MIS18A: variants seen among roughly 807,000 people sequenced by gnomAD.
MIS18A encodes protein Mis18-alpha.
A neutral mutation model predicts 25.0 loss-of-function variants in MIS18A; 14 were observed. The observed-to-expected ratio is 0.56, with a 90% confidence interval of 0.37 to 0.88. The LOEUF (loss-of-function observed/expected upper bound fraction) is 0.88. Ranked by LOEUF, MIS18A falls within the 40% of genes least tolerant of loss-of-function variation. The pLI, the probability that MIS18A is intolerant of heterozygous loss-of-function variation, is 0.00. For missense variants in MIS18A, 292 were observed against 290.8 expected (o/e 1.00, Z -0.03); for synonymous variants, 134 against 118.6 (o/e 1.13, Z -0.84).
intron 1 of MIS18A, among the ~76,000 whole-genome samples, chr21:32,275,379 G>A (rs1232672696): frequency 6.6e-6 from 1 of 152,134 alleles, no homozygotes; most frequent in Non-Finnish European, 1.5e-5. Context: ...AGAATTATCT[G>A]CCAGATAGTG....
At chr21:32,179,399 G>A in the MIS18A span, among the ~76,000 whole-genome samples, 9 of 151,952 alleles carry the variant, frequency 5.9e-5, no homozygotes, top group African/African-American at 2.2e-4. Flanking sequence ...CACTTTGTGT[G>A]GGCCAAGATC....
the MIS18A span, among the ~76,000 whole-genome samples, chr21:32,237,387 C>T: frequency 1.3e-5 from 2 of 152,288 alleles, no homozygotes; most frequent in South Asian, 2.1e-4. Context: ...GTCCCATGTC[C>T]GCCTGCCAGT....
chr21:32,205,500 C>T, the MIS18A span, among the ~76,000 whole-genome samples: 2 of 152,062 alleles, frequency 1.3e-5, no homozygotes, highest in African/African-American at 2.4e-5. Flanking sequence ...TTTCCCCCAC[C>T]CCTACTTAAA....
chr21:32,278,381 G>A, intron 1 of MIS18A: 3 of 408,908 alleles, frequency 7.3e-6, no homozygotes, highest in Non-Finnish European at 1.3e-5. Context: ...CTTTTTTTAG[G>A]GTCTTTAAAA....
chr21:32,244,984 G>T, the MIS18A span, among the ~76,000 whole-genome samples: 1 of 152,122 alleles, frequency 6.6e-6, no homozygotes. Context: ...ATTTAAATTT[G>T]CAGGAAAAAA....
At chr21:32,201,631 A>G in the MIS18A span, among the ~76,000 whole-genome samples, 1 of 151,988 alleles carries the variant, frequency 6.6e-6, no homozygotes, top group African/African-American at 2.4e-5. Flanking sequence ...GACCAGCCTG[A>G]GCAATATAGT....
chr21:32,215,646 G>A, the MIS18A span, among the ~76,000 whole-genome samples: 1 of 152,066 alleles, frequency 6.6e-6, no homozygotes, highest in Non-Finnish European at 1.5e-5. Flanking sequence ...TCTTTTTGTT[G>A]AAACACAAAG....
chr21:32,175,792 A>G, the MIS18A span, among the ~76,000 whole-genome samples: 3 of 151,812 alleles, frequency 2.0e-5, no homozygotes, highest in South Asian at 4.2e-4. Context: ...CCCAGGTGAT[A>G]GTGAGAGACT....
chr21:32,265,524 C>T (rs984596241), downstream of MIS18A, among the ~76,000 whole-genome samples: 6 of 152,350 alleles, frequency 3.9e-5, no homozygotes, highest in South Asian at 2.1e-4. Flanking sequence ...GCCGGCCCAC[C>T]GGCGCTGTGC....
At chr21:32,176,925 G>T in the MIS18A span, among the ~76,000 whole-genome samples, 3 of 152,054 alleles carry the variant, frequency 2.0e-5, no homozygotes, top group African/African-American at 7.2e-5. Flanking sequence ...GTACCAAAGC[G>T]TGATGAAGAC....
the MIS18A span, among the ~76,000 whole-genome samples, chr21:32,199,258 G>A: frequency 6.6e-6 from 1 of 152,138 alleles, no homozygotes; most frequent in Non-Finnish European, 1.5e-5. Flanking sequence ...CAAGACAGGA[G>A]CCCTGATTTA....
At chr21:32,216,587 A>G in the MIS18A span, among the ~76,000 whole-genome samples, 158 of 152,358 alleles carry the variant, frequency 1.0e-3, no homozygotes, top group African/African-American at 3.7e-3. Flanking sequence ...ACTTGTTCAA[A>G]GAGAGCTTTT....
the MIS18A span, among the ~76,000 whole-genome samples, chr21:32,204,744 A>G: frequency 6.6e-6 from 1 of 151,842 alleles, no homozygotes; most frequent in African/African-American, 2.4e-5. Context: ...AAAATTAGCC[A>G]GGCATGGTGG....
At chr21:32,215,892 C>T in the MIS18A span, among the ~76,000 whole-genome samples, 1 of 152,070 alleles carries the variant, frequency 6.6e-6, no homozygotes, top group East Asian at 1.9e-4. Context: ...TCTATGAAAA[C>T]AAAAAGTTTG....
At chr21:32,173,233 C>T in the MIS18A span, among the ~76,000 whole-genome samples, 1 of 152,034 alleles carries the variant, frequency 6.6e-6, no homozygotes, top group East Asian at 1.9e-4. Flanking sequence ...TAAGGAAGTG[C>T]AAATCAAAAC....
the MIS18A span, among the ~76,000 whole-genome samples, chr21:32,178,257 C>A: frequency 1.3e-5 from 2 of 152,024 alleles, no homozygotes; most frequent in African/African-American, 4.8e-5. Flanking sequence ...ATTAAAAAAA[C>A]TGTTCTAAAA....
At chr21:32,257,969 A>G in the MIS18A span, among the ~76,000 whole-genome samples, 1 of 152,218 alleles carries the variant, frequency 6.6e-6, no homozygotes, top group South Asian at 2.1e-4. Context: ...ACCCATAACA[A>G]GATAGCACTG....
the MIS18A span, among the ~76,000 whole-genome samples, chr21:32,239,309 C>A: frequency 6.6e-6 from 1 of 152,176 alleles, no homozygotes; most frequent in Non-Finnish European, 1.5e-5. Context: ...GGTGGGGAGG[C>A]AGGAGCTAGG....
At chr21:32,252,240 A>C in the MIS18A span, among the ~76,000 whole-genome samples, 5 of 27,832 alleles carry the variant, frequency 1.8e-4, no homozygotes, top group Non-Finnish European at 6.0e-4. Flanking sequence ...AAGAAGAAGA[A>C]GGAGGAGGAG....
Sources: allele counts gnomAD v4.1 joint callset (sites outside exome capture counted in the v4.1 genomes callset), GRCh38; gene constraint gnomAD v4.1.1; transcripts MANE v1.5; gene names NCBI Gene and HGNC (gene_info 2026-07-23, HGNC 2026-07-21).